Variants in ZNF385D observed in about 807,000 individuals in gnomAD.
The protein encoded by ZNF385D is zinc finger protein 659.
Under a neutral mutation model 35.8 loss-of-function variants are expected in ZNF385D, and 15 were observed. The ratio of observed to expected loss-of-function variants is 0.42; its 90% CI spans 0.28 to 0.64. The LOEUF (loss-of-function observed/expected upper bound fraction) is 0.64, where lower values mean the gene tolerates loss of function less well. ZNF385D is among the 30% of genes least tolerant of loss of function. The pLI, the probability that ZNF385D is intolerant of heterozygous loss-of-function variation, is 0.23. For synonymous variants in ZNF385D, 212 were observed against 186.8 expected (o/e 1.13, Z -1.10); for missense variants, 474 against 494.6 (o/e 0.96, Z 0.39).
intron 3 of ZNF385D, among the ~76,000 whole-genome samples, chr3:22,001,510 G>A (rs898438711): frequency 6.6e-5 from 10 of 152,120 alleles, no homozygotes; most frequent in Admixed American, 5.2e-4. Context: ...GATATAAAGA[G>A]AGAAATAGAG....
At chr3:21,498,858 G>A (rs561971736) in intron 4 of ZNF385D, among the ~76,000 whole-genome samples, 6 of 146,298 alleles carry the variant, frequency 4.1e-5, no homozygotes, top group South Asian at 2.2e-4. Context: ...CAGGAGAATC[G>A]CTTGAACCTG....
chr3:22,026,688 G>C (rs1697574096), intron 3 of ZNF385D, among the ~76,000 whole-genome samples: 1 of 152,278 alleles, frequency 6.6e-6, no homozygotes, highest in Admixed American at 6.5e-5. Flanking sequence ...GGTAGAGTGA[G>C]GGTTATTATG....
At chr3:21,972,237 G>A (rs957775729) in intron 3 of ZNF385D, among the ~76,000 whole-genome samples, 3 of 152,044 alleles carry the variant, frequency 2.0e-5, no homozygotes, top group Non-Finnish European at 4.4e-5. Flanking sequence ...AGAAGAAATT[G>A]TATCAAGTAT....
chr3:22,169,961 A>G (rs1008605282), intron 2 of ZNF385D, among the ~76,000 whole-genome samples: 4 of 152,188 alleles, frequency 2.6e-5, no homozygotes, highest in South Asian at 4.1e-4. Context: ...ATTATTGTCC[A>G]GTAAGATGGC....
At chr3:22,072,275 G>A (rs17010717) in intron 3 of ZNF385D, among the ~76,000 whole-genome samples, 14,790 of 152,070 alleles carry the variant, frequency 0.097, 896 homozygotes, top group African/African-American at 0.18. Context: ...CGAAAGCCAT[G>A]TACAACAGAT....
chr3:22,016,957 AAC>A (rs558898355), intron 3 of ZNF385D, among the ~76,000 whole-genome samples: 4 of 131,194 alleles, frequency 3.0e-5, no homozygotes, highest in African/African-American at 1.2e-4. Flanking sequence ...CACACACACA[AAC>A]ACACACACAC....
At chr3:21,645,114 C>T (rs1490799316) in intron 2 of ZNF385D, among the ~76,000 whole-genome samples, 1 of 152,168 alleles carries the variant, frequency 6.6e-6, no homozygotes, top group Non-Finnish European at 1.5e-5. Flanking sequence ...TTTGATGCAA[C>T]GGTCCCTGAG....
At chr3:22,264,227 G>C (rs981354568) in intron 2 of ZNF385D, among the ~76,000 whole-genome samples, 4 of 151,982 alleles carry the variant, frequency 2.6e-5, no homozygotes, top group African/African-American at 9.7e-5. Context: ...GCTGGTAATA[G>C]AGTGAAAGCT....
chr3:21,943,564 A>G (rs1218061739), intron 3 of ZNF385D, among the ~76,000 whole-genome samples: 3 of 150,458 alleles, frequency 2.0e-5, no homozygotes, highest in African/African-American at 2.5e-5. Context: ...TTAAATTATA[A>G]AAGAAAAATA....
chr3:21,854,105 G>T (rs1163049362), intron 3 of ZNF385D, among the ~76,000 whole-genome samples: 1 of 151,828 alleles, frequency 6.6e-6, no homozygotes, highest in Non-Finnish European at 1.5e-5. Flanking sequence ...AAACAAGAAA[G>T]ATAGTACTGC....
intron 2 of ZNF385D, among the ~76,000 whole-genome samples, chr3:22,175,181 A>C (rs896095738): frequency 6.6e-6 from 1 of 152,026 alleles, no homozygotes; most frequent in Admixed American, 6.6e-5. Context: ...CATAAAATGA[A>C]GGTAAAAATA....
intron 3 of ZNF385D, among the ~76,000 whole-genome samples, chr3:22,156,819 G>A (rs919100760): frequency 4.6e-5 from 7 of 152,044 alleles, no homozygotes; most frequent in African/African-American, 1.7e-4. Context: ...AAGTACCCAA[G>A]GTGATTCTGA....
In ZNF385D at chr3:21,887,936, A is replaced by G. The variant is rs187798376; in HGVS notation, c.326-222908T>C. Among the ~76,000 whole-genome samples, 5 of 152,276 alleles carry G rather than the reference A, an allele frequency of 3.3e-5. No homozygotes were observed. In the East Asian group the frequency reaches 9.6e-4, roughly 29 times the overall value. ...AAATGGGTTACACATGTCCATTGAAATAATATTAATACTTTGTAAAATAAC... is the reference window on the plus strand; with the variant it reads ...AAATGGGTTACACATGTCCATTGAAGTAATATTAATACTTTGTAAAATAAC... On this transcript the variant is annotated intron_variant, in intron 3 of 5. Transcript: ENST00000494108.
intron 3 of ZNF385D, among the ~76,000 whole-genome samples, chr3:21,920,204 C>T (rs1036995929): frequency 6.6e-6 from 1 of 152,130 alleles, no homozygotes; most frequent in African/African-American, 2.4e-5. Context: ...ATACTGACCC[C>T]TGATTTATGG....
intron 2 of ZNF385D, among the ~76,000 whole-genome samples, chr3:21,584,221 C>A (rs747913017): frequency 6.6e-6 from 1 of 151,976 alleles, no homozygotes; most frequent in Non-Finnish European, 1.5e-5. Flanking sequence ...TCAAGTGATC[C>A]GCCCACCTTG....
chr3:21,882,867 C>T (rs184423501), intron 3 of ZNF385D, among the ~76,000 whole-genome samples: 157 of 151,996 alleles, frequency 1.0e-3, no homozygotes, highest in Non-Finnish European at 1.7e-3. Flanking sequence ...CTCCACTTTT[C>T]CTCAGAAATT....
chr3:21,895,389 G>A (rs946721395), intron 3 of ZNF385D, among the ~76,000 whole-genome samples: 7 of 142,028 alleles, frequency 4.9e-5, no homozygotes, highest in African/African-American at 7.9e-5. Context: ...GTGTAATGGC[G>A]CAGTCTTGGC....
intron 2 of ZNF385D, among the ~76,000 whole-genome samples, chr3:21,602,590 T>G (rs923739883): frequency 4.5e-5 from 6 of 134,176 alleles, no homozygotes; most frequent in Non-Finnish European, 7.6e-5. Flanking sequence ...CGGACTGCAG[T>G]GGCGCAATCT....
In ZNF385D at chr3:22,121,137, C is replaced by T. The variant is rs978266613; in HGVS notation, c.325+47680G>A. Among the ~76,000 whole-genome samples, 24 of 152,282 alleles carry T rather than the reference C, an allele frequency of 1.6e-4. 2 individuals carry two copies. The highest frequency in any genetic ancestry group is 1.2e-3 in the Admixed American group (18 of 15,268). On this transcript the variant is annotated intron_variant, in intron 3 of 5. Transcript: ENST00000494108. ...CAATGTGTTTTCATTTTATCAACTT[C>T]ATCAGTAAAGCCAAAATCTGAAGAA...
Sources: allele counts gnomAD v4.1 joint callset (sites outside exome capture counted in the v4.1 genomes callset), GRCh38; gene constraint gnomAD v4.1.1; transcripts MANE v1.5; gene names NCBI Gene and HGNC (gene_info 2026-07-23, HGNC 2026-07-21).